SLIT3: variants seen among roughly 807,000 people sequenced by gnomAD.
SLIT3 encodes slit guidance ligand 3, also known as slit homolog 3 protein.
Under a neutral mutation model 184.0 loss-of-function variants are expected in SLIT3, and 68 were observed. The ratio of observed to expected loss-of-function variants is 0.37; its 90% confidence interval spans 0.30 to 0.45. SLIT3 has a LOEUF of 0.45. Ranked by LOEUF, SLIT3 falls within the 20% of genes least tolerant of loss-of-function variation. SLIT3 has a pLI of 1.00. For missense variants in SLIT3, 1,707 were observed against 2,026.0 expected, an observed-to-expected ratio of 0.84 and a Z score of 3.02; for synonymous variants, 831 against 828.6, an observed-to-expected ratio of 1.00 and a Z score of -0.05.
chr5:169,206,105 G>T (rs1440422012), intron 3 of SLIT3, among the ~76,000 whole-genome samples: 1 of 152,212 alleles, frequency 6.6e-6, no homozygotes, highest in Admixed American at 6.5e-5. Context: ...TTTCCATGCT[G>T]CCTGGGAATA....
At chr5:168,858,725 A>C (rs576694648) in intron 5 of SLIT3, among the ~76,000 whole-genome samples, 4 of 152,296 alleles carry the variant, frequency 2.6e-5, no homozygotes, top group African/African-American at 9.6e-5. Flanking sequence ...AAGCTCCCTC[A>C]TTCTGTTCTT....
chr5:169,126,150 T>A (rs1761071566), intron 4 of SLIT3, among the ~76,000 whole-genome samples: 1 of 152,250 alleles, frequency 6.6e-6, no homozygotes. Context: ...TCGTTAGACA[T>A]CAAAGGACCT....
At chr5:169,281,873 T>TG (rs1455105339) in intron 1 of SLIT3, among the ~76,000 whole-genome samples, 1 of 63,488 alleles carries the variant, frequency 1.6e-5, no homozygotes, top group East Asian at 4.8e-4. Flanking sequence ...CAGAGGTAAT[T>TG]TTCCCCCCCA....
At chr5:168,830,165 T>C (rs34646762) in intron 6 of SLIT3, among the ~76,000 whole-genome samples, 19,766 of 152,098 alleles carry the variant, frequency 0.13, 1,679 homozygotes, top group South Asian at 0.28. Context: ...CTTTGTGGAC[T>C]TGGTCCCAGG....
At chr5:168,690,574 C>T (rs1276378191) in intron 29 of SLIT3, among the ~76,000 whole-genome samples, 3 of 152,184 alleles carry the variant, frequency 2.0e-5, no homozygotes, top group African/African-American at 7.2e-5. Context: ...TCTTCCCTGT[C>T]CCCTCACAGT....
At chr5:168,906,040 C>T (rs894080602) in intron 4 of SLIT3, among the ~76,000 whole-genome samples, 15 of 152,104 alleles carry the variant, frequency 9.9e-5, no homozygotes, top group East Asian at 5.8e-4. Flanking sequence ...TCAGCAAGCC[C>T]GAATTTCCAC....
chr5:169,137,335 C>CAGAGAGAGAGAG (rs1554101372), intron 4 of SLIT3, among the ~76,000 whole-genome samples: 85 of 138,612 alleles, frequency 6.1e-4, no homozygotes, highest in South Asian at 7.4e-4. Flanking sequence ...CACACACACA[C>CAGAGAGAGAGAG]AGAGAGAGAG....
At chr5:168,705,163 T>C (rs1580982673) in intron 26 of SLIT3, among the ~76,000 whole-genome samples, 2 of 152,302 alleles carry the variant, frequency 1.3e-5, no homozygotes, top group South Asian at 2.1e-4. Context: ...TCTTCCACCT[T>C]AGCCCCTGCA....
At chr5:168,971,437 C>T (rs1013151619) in intron 4 of SLIT3, among the ~76,000 whole-genome samples, 17 of 152,188 alleles carry the variant, frequency 1.1e-4, no homozygotes, top group African/African-American at 2.4e-4. Context: ...TCCTTCATTT[C>T]GCTGTCTTTC....
intron 1 of SLIT3, among the ~76,000 whole-genome samples, chr5:169,285,618 T>A (rs906878072): frequency 6.6e-6 from 1 of 152,204 alleles, no homozygotes; most frequent in Non-Finnish European, 1.5e-5. Flanking sequence ...ATGCTACTTC[T>A]GAGTTGTTCT....
chr5:168,752,169 C>T (rs1389098460), intron 18 of SLIT3, among the ~76,000 whole-genome samples: 1 of 152,164 alleles, frequency 6.6e-6, no homozygotes, highest in Non-Finnish European at 1.5e-5. Flanking sequence ...CTGACCCTGG[C>T]TTCCTCTTCA....
At chr5:168,949,559 C>G (rs1762585774) in intron 4 of SLIT3, among the ~76,000 whole-genome samples, 1 of 152,142 alleles carries the variant, frequency 6.6e-6, no homozygotes, top group South Asian at 2.1e-4. Flanking sequence ...ACAAAAGACC[C>G]AAAGAACAAC....
intron 2 of SLIT3, among the ~76,000 whole-genome samples, chr5:169,247,688 G>A (rs1765638645): frequency 6.6e-6 from 1 of 152,062 alleles, no homozygotes; most frequent in African/African-American, 2.4e-5. Flanking sequence ...TCCAAGACAA[G>A]GTCTCACTTT....
rs879856265 is a variant in SLIT3 at position 169,021,357 on chromosome 5, CTTTTTTT to C, written c.414-138028_414-138022del. The stretch of plus-strand genomic sequence containing the variant: ...TTATGGTGAGATAGTATTCTTTTTT[CTTTTTTT>C]TTGAGATGGAGTCTCTTGCTCTGTC... On this transcript the variant is annotated intron_variant, in intron 4 of 35. Transcript: ENST00000519560. 2.8e-4 allele frequency among the ~76,000 whole-genome samples: 43 copies of C among 151,160 alleles called. 2 individuals are homozygous for C. The highest frequency in any genetic ancestry group is 5.3e-4 in the Admixed American group (8 of 15,142).
chr5:168,899,719 C>A (rs1005245326), intron 4 of SLIT3, among the ~76,000 whole-genome samples: 55 of 152,086 alleles, frequency 3.6e-4, no homozygotes, highest in African/African-American at 1.3e-3. Flanking sequence ...GGCCTTCATG[C>A]AATATTTCAC....
At chr5:168,753,385 A>C (rs1341491285) in intron 17 of SLIT3, among the ~76,000 whole-genome samples, 1 of 152,222 alleles carries the variant, frequency 6.6e-6, no homozygotes, top group African/African-American at 2.4e-5. Context: ...GTGTGCACAC[A>C]TATTTCTGGG....
In SLIT3 at chr5:169,004,982, C is replaced by T. The variant is rs188884020; in HGVS notation, c.414-121646G>A. ...TACAGGCGCACGTTGTTTTATTGAG[C>T]TTTCTTCTTTTTTACAAATTGAGGG... On this transcript the variant is annotated intron_variant, in intron 4 of 35. Coordinates refer to ENST00000519560, the MANE Select transcript of SLIT3 (RefSeq NM_003062.4). Among the ~76,000 whole-genome samples the T allele has an allele frequency of 1.0e-3, 154 of 152,276 alleles. 1 individual carries two copies. The highest frequency in any genetic ancestry group is 3.5e-3 in the African/African-American group (144 of 41,546).
chr5:168,744,782 C>T (rs1331750075), intron 20 of SLIT3, among the ~76,000 whole-genome samples: 1 of 152,196 alleles, frequency 6.6e-6, no homozygotes, highest in Non-Finnish European at 1.5e-5. Context: ...AATATTACTG[C>T]TCACTGACAA....
chr5:168,776,066 C>G (rs905521356), intron 12 of SLIT3, among the ~76,000 whole-genome samples: 1 of 152,162 alleles, frequency 6.6e-6, no homozygotes, highest in Admixed American at 6.5e-5. Context: ...ATTTTACTTT[C>G]GAGGCTGGTT....
Sources: allele counts gnomAD v4.1 joint callset (sites outside exome capture counted in the v4.1 genomes callset), GRCh38; gene constraint gnomAD v4.1.1; transcripts MANE v1.5; gene names NCBI Gene and HGNC (gene_info 2026-07-23, HGNC 2026-07-21).